Variants in DNAH11 observed in about 807,000 individuals in gnomAD.
DNAH11 encodes dynein axonemal heavy chain 11, also known as axonemal beta dynein heavy chain 11.
In DNAH11, 442 loss-of-function variants were observed where a neutral mutation model predicts 526.0. The observed-to-expected ratio is 0.84, with a 90% CI of 0.78 to 0.91. The LOEUF (loss-of-function observed/expected upper bound fraction) is 0.91, where lower values mean the gene tolerates loss of function less well. Among genes scored for constraint, DNAH11 ranks in the 40% least tolerant of loss-of-function variants. DNAH11 has a pLI of 0.00. For synonymous variants in DNAH11, 2,461 were observed against 1,935.9 expected, an observed-to-expected ratio of 1.27 and a Z score of -7.12; for missense variants, 6,989 against 5,448.7, an observed-to-expected ratio of 1.28 and a Z score of -8.90.
At chr7:21,839,344 G>A (rs1489010495) in intron 65 of DNAH11, among the ~76,000 whole-genome samples, 1 of 152,060 alleles carries the variant, frequency 6.6e-6, no homozygotes, top group Non-Finnish European at 1.5e-5. Context: ...GTAGGCTGAG[G>A]GGGGCAAATC....
At position 21,593,949 on chromosome 7, in the gene DNAH11, A is replaced by G. The variant is rs1162344356; in HGVS notation, c.2667+2372A>G. The stretch of plus-strand genomic sequence containing the variant: ...CACACACACTCTCTTTCACACACAC[A>G]TACTCTTTTTCTCTGTATGTCACAT... On this transcript the variant is annotated intron_variant, in intron 14 of 81. Coordinates refer to ENST00000409508, the MANE Select transcript of DNAH11 (RefSeq NM_001277115.2). Among the ~76,000 whole-genome samples the G allele has an allele frequency of 2.0e-5, 3 of 150,552 alleles. No homozygotes were observed. The East Asian group carries it at 5.9e-4, about 30-fold the overall frequency.
At chr7:21,784,853 A>T (rs1364718222) in intron 58 of DNAH11, among the ~76,000 whole-genome samples, 2 of 152,184 alleles carry the variant, frequency 1.3e-5, no homozygotes, top group Non-Finnish European at 2.9e-5. Context: ...ACCCAAATCC[A>T]ATTTTTCATA....
At chr7:21,845,416 C>G (rs926306334) in intron 66 of DNAH11, among the ~76,000 whole-genome samples, 1 of 151,978 alleles carries the variant, frequency 6.6e-6, no homozygotes, top group African/African-American at 2.4e-5. Flanking sequence ...CACCTTCATT[C>G]TTTTGCCTGT....
chr7:21,572,041 G>A, intron 8 of DNAH11, 68 bp downstream of exon 8: 1 of 1,334,490 alleles, frequency 7.5e-7, no homozygotes, highest in Non-Finnish European at 9.8e-7. Context: ...AGGAAGATAG[G>A]TCACAGTGAT....
At chr7:21,648,055 T>C (rs909937818) in intron 28 of DNAH11, among the ~76,000 whole-genome samples, 1 of 152,138 alleles carries the variant, frequency 6.6e-6, no homozygotes, top group African/African-American at 2.4e-5. Context: ...ACCAAAAACA[T>C]AGAAACATTG....
intron 79 of DNAH11, among the ~76,000 whole-genome samples, chr7:21,895,855 G>A (rs376994546): frequency 7.2e-5 from 11 of 151,964 alleles, no homozygotes; most frequent in South Asian, 2.1e-4. Flanking sequence ...TCAGCCTCCC[G>A]AGTAGCTGGG....
At chr7:21,601,704 T>C in intron 18 of DNAH11, 86 bp downstream of exon 18, 3 of 1,027,878 alleles carry the variant, frequency 2.9e-6, no homozygotes, top group Non-Finnish European at 2.7e-6. Context: ...TCTTATGATG[T>C]CCTTATAACA....
At chr7:21,594,891 C>T (rs940234453) in intron 14 of DNAH11, among the ~76,000 whole-genome samples, 1 of 152,048 alleles carries the variant, frequency 6.6e-6, no homozygotes, top group Non-Finnish European at 1.5e-5. Context: ...AAAGACACTG[C>T]AGAATTTTGA....
intron 65 of DNAH11, among the ~76,000 whole-genome samples, chr7:21,837,746 G>A (rs74423036): frequency 0.017 from 2,589 of 152,144 alleles, 83 homozygotes; most frequent in African/African-American, 0.059. Flanking sequence ...TAGTTAGGAG[G>A]AATACGTTCT....
chr7:21,800,557 G>T (rs531911696), intron 61 of DNAH11, among the ~76,000 whole-genome samples: 108 of 152,250 alleles, frequency 7.1e-4, no homozygotes, highest in African/African-American at 2.6e-3. Flanking sequence ...ACTTGAACCT[G>T]GGGGACAGAG....
At chr7:21,789,392 C>G in intron 61 of DNAH11, 50 bp downstream of exon 61, 1 of 1,317,596 alleles carries the variant, frequency 7.6e-7, no homozygotes, top group Non-Finnish European at 1.1e-6. Context: ...TGGTCGCTGC[C>G]TCCACCTTAG....
chr7:21,700,467 A>AATTTC (rs1488934457), intron 36 of DNAH11, among the ~76,000 whole-genome samples: 2 of 152,196 alleles, frequency 1.3e-5, no homozygotes, highest in East Asian at 3.9e-4. Context: ...CAGAGGCACC[A>AATTTC]AGTCCTCTGA....
At chr7:21,881,526 T>C (rs192836757) in intron 75 of DNAH11, among the ~76,000 whole-genome samples, 13 of 152,296 alleles carry the variant, frequency 8.5e-5, no homozygotes, top group Middle Eastern at 6.8e-3. Flanking sequence ...AACCCAATGA[T>C]TGGATTTCAA....
intron 21 of DNAH11, 86 bp from the exon 22 acceptor site, chr7:21,616,123 A>G (rs749618400): frequency 5.7e-5 from 55 of 963,462 alleles, no homozygotes; most frequent in Non-Finnish European, 7.5e-5. Context: ...ATAGAGTTAC[A>G]GTGTATCATC....
intron 65 of DNAH11, among the ~76,000 whole-genome samples, chr7:21,825,875 C>T (rs1790269493): frequency 6.6e-6 from 1 of 150,862 alleles, no homozygotes; most frequent in South Asian, 2.1e-4. Flanking sequence ...AGGAGAACGG[C>T]ATGAACCTGG....
chr7:21,595,096 C>T (rs192248226), intron 14 of DNAH11, among the ~76,000 whole-genome samples: 10 of 152,316 alleles, frequency 6.6e-5, no homozygotes, highest in Admixed American at 5.9e-4. Flanking sequence ...AGCTTTAAAA[C>T]AGCAGAAATG....
In DNAH11 at chr7:21,773,985, A is replaced by T. The variant is rs1299477816; in HGVS notation, c.9322A>T (p.Thr3108Ser). The change falls in exon 56 of 82, where the codon ACC becomes TCC. Residue 3108 changes from threonine to serine, a missense_variant. Thr to Ser is a moderately conservative substitution (Grantham distance 58). Coordinates refer to ENST00000409508, the MANE Select transcript of DNAH11 (RefSeq NM_001277115.2). ...RLVNGIQKLK[T>S]TASQVGDLKA... Reference sequence around the variant, plus strand: ...GGTGAACGGCATCCAAAAGCTAAAAACCACAGCCTCTCAGGTATGACCAGG... The same window carrying T: ...GGTGAACGGCATCCAAAAGCTAAAATCCACAGCCTCTCAGGTATGACCAGG... 6.4e-7 allele frequency: 1 copy of T among 1,565,728 alleles called. No individual in the cohort carries two copies. Among genetic ancestry groups the T allele is most frequent in the Non-Finnish European group, 8.6e-7 (1 of 1,156,242 alleles).
chr7:21,726,099 G>A (rs1157710373), intron 45 of DNAH11, 115 bp downstream of exon 45: 2 of 1,085,422 alleles, frequency 1.8e-6, no homozygotes, highest in East Asian at 2.8e-5. Context: ...GATTCCACAG[G>A]CTGCCCAGGA....
Position 21,873,568 on chromosome 7 carries a change from G to A in DNAH11, c.12195+67G>A, listed in dbSNP as rs1245519462. 6.1e-6 allele frequency: 9 copies of A among 1,485,344 alleles called. No homozygotes were observed. In the African/African-American group the frequency reaches 9.7e-5, roughly 16 times the overall value. The allele number at this position is 1,485,344 out of a possible 1,614,324, so 92.0% of individuals were successfully genotyped here. On this transcript the variant is annotated intron_variant, in intron 74 of 81. Transcript: ENST00000409508. ...TCATCTCACAAGACTGTGGGGCCCA[G>A]AATCAACCCAGGCATGTCATTGAGA...
Sources: allele counts gnomAD v4.1 joint callset (sites outside exome capture counted in the v4.1 genomes callset), GRCh38; gene constraint gnomAD v4.1.1; transcripts MANE v1.5; gene names NCBI Gene and HGNC (gene_info 2026-07-23, HGNC 2026-07-21).